The following FRRS1 variants were observed in gnomAD, a reference collection of about 807,000 sequenced individuals.
FRRS1 encodes the protein ferric reductase 1.
FRRS1 carries 51 observed loss-of-function variants against 70.7 expected under a neutral mutation model. That is an observed-to-expected ratio of 0.72 (90% CI 0.58 to 0.91). FRRS1 has a LOEUF of 0.91. FRRS1 is among the 40% of genes least tolerant of loss of function. FRRS1 has a pLI of 0.00. For missense variants in FRRS1, 672 were observed against 726.0 expected (o/e 0.93, Z 0.86); for synonymous variants, 225 against 238.7 (o/e 0.94, Z 0.53).
chr1:99,719,781 T>A (rs1654724233), intron 9 of FRRS1, 134 bp from the exon 10 acceptor site: 2 of 588,390 alleles, frequency 3.4e-6, no homozygotes, highest in Non-Finnish European at 6.0e-6. Flanking sequence ...TCAACAGAGA[T>A]GTCATTCATA....
chr1:99,721,949 T>C (rs964008766), intron 9 of FRRS1, among the ~76,000 whole-genome samples: 5 of 152,080 alleles, frequency 3.3e-5, no homozygotes, highest in South Asian at 2.1e-4. Context: ...CAGACCGTTA[T>C]ATGGGTGAGT....
intron 1 of FRRS1, among the ~76,000 whole-genome samples, chr1:99,757,428 C>G (rs1656892661): frequency 6.6e-6 from 1 of 152,088 alleles, no homozygotes; most frequent in Non-Finnish European, 1.5e-5. Flanking sequence ...AACAAACAGG[C>G]TAAGCAACAG....
Position 99,719,524 on chromosome 1 carries a change from T to G in FRRS1, c.1120+10A>C. On this transcript the variant is annotated intron_variant, in intron 10 of 16. Transcript: ENST00000646001. ...GTTGATTCCACAAAGTAGTTACACA[T>G]GTAACCTACCATGAACCTTCAGAAG... 1 of 1,405,702 alleles carries G rather than the reference T, an allele frequency of 7.1e-7. No individual in the cohort carries two copies. Among genetic ancestry groups the G allele is most frequent in the South Asian group, 1.2e-5 (1 of 86,608 alleles). 87.1% of individuals were successfully genotyped at this position (1,405,702 alleles called of 1,614,324 possible). A position where few individuals can be genotyped will look rare whatever the true frequency, so the allele number is the denominator to read the frequency against.
chr1:99,728,988 C>T (rs929539261), intron 8 of FRRS1, among the ~76,000 whole-genome samples: 6 of 152,156 alleles, frequency 3.9e-5, no homozygotes, highest in Admixed American at 2.6e-4. Flanking sequence ...CAAGTACTAC[C>T]CTAGTGGCCA....
intron 9 of FRRS1, among the ~76,000 whole-genome samples, chr1:99,721,579 T>C (rs1173755499): frequency 6.6e-6 from 1 of 150,850 alleles, no homozygotes; most frequent in Non-Finnish European, 1.5e-5. Flanking sequence ...CCATGGAGAG[T>C]AATAACAATA....
At chr1:99,760,952 T>C (rs1050582603) in intron 1 of FRRS1, among the ~76,000 whole-genome samples, 3 of 151,964 alleles carry the variant, frequency 2.0e-5, no homozygotes, top group African/African-American at 7.3e-5. Context: ...GCCTGGCCAG[T>C]AGGAAAGACT....
At chr1:99,758,827 C>G (rs2788518) in intron 1 of FRRS1, among the ~76,000 whole-genome samples, 74,045 of 151,636 alleles carry the variant, frequency 0.49, 21,776 homozygotes, top group African/African-American at 0.83. Flanking sequence ...TATTAATACC[C>G]TGGGAAAGGA....
At chr1:99,722,914 T>C (rs1439831717) in intron 9 of FRRS1, among the ~76,000 whole-genome samples, 2 of 152,212 alleles carry the variant, frequency 1.3e-5, no homozygotes, top group Admixed American at 1.3e-4. Context: ...GACATTTATC[T>C]AGAAAAATCC....
chr1:99,709,271 A>G lies in FRRS1; in HGVS notation c.1625-12T>C, dbSNP rs1654164995. 5.0e-6 allele frequency: 8 copies of G among 1,590,806 alleles called. No homozygotes were observed. Among genetic ancestry groups the G allele is most frequent in the African/African-American group, 1.3e-5 (1 of 74,362 alleles). ...ATCCAATATTTCAACTGTCAAGAAT[A>G]ATAACATAAGTTTTTAAGGGCAGCG... On this transcript the variant is annotated splice_polypyrimidine_tract_variant and intron_variant, in intron 15 of 16. Coordinates refer to ENST00000646001, the MANE Select transcript of FRRS1 (RefSeq NM_001361041.2).
chr1:99,732,292 T>G (rs1260323885), intron 7 of FRRS1, among the ~76,000 whole-genome samples: 1 of 152,210 alleles, frequency 6.6e-6, no homozygotes, highest in Admixed American at 6.5e-5. Flanking sequence ...ACCAAATCCC[T>G]GGGTTGTACT....
chr1:99,764,337 A>G (rs1439935746), intron 1 of FRRS1, among the ~76,000 whole-genome samples: 2 of 152,208 alleles, frequency 1.3e-5, no homozygotes, highest in Non-Finnish European at 2.9e-5. Context: ...ATGTGTTTTC[A>G]GGATGGGAAG....
chr1:99,717,322 C>T (rs1400577972), intron 11 of FRRS1, 88 bp downstream of exon 11: 32 of 862,258 alleles, frequency 3.7e-5, no homozygotes, highest in Non-Finnish European at 5.7e-5. Context: ...CCACAAAACG[C>T]ATACACATAC....
rs376833120 is a variant in FRRS1, at chr1:99,748,783, T to C, written c.1-15A>G. 9 of 1,599,024 alleles carry C rather than the reference T, an allele frequency of 5.6e-6. No homozygotes were observed. The highest frequency in any genetic ancestry group is 7.7e-6 in the Non-Finnish European group (9 of 1,168,566). On this transcript the variant is annotated splice_polypyrimidine_tract_variant and intron_variant, in intron 2 of 16. Coordinates refer to ENST00000646001, the MANE Select transcript of FRRS1 (RefSeq NM_001361041.2). Reference sequence around the variant, plus strand: ...GAAACTGCCATCTCAAAAAGAAGGGTAAAAGCCCATTATTGTCATATATAA... The same window carrying C: ...GAAACTGCCATCTCAAAAAGAAGGGCAAAAGCCCATTATTGTCATATATAA...
chr1:99,731,503 T>C (rs12118621), intron 7 of FRRS1, among the ~76,000 whole-genome samples: 22,006 of 152,230 alleles, frequency 0.14, 2,442 homozygotes, highest in African/African-American at 0.3. Flanking sequence ...GGAGCAATCA[T>C]GACTTAAACC....
chr1:99,727,831 T>G (rs888072971), intron 9 of FRRS1, among the ~76,000 whole-genome samples: 4 of 152,240 alleles, frequency 2.6e-5, no homozygotes, highest in African/African-American at 9.6e-5. Flanking sequence ...TTCCTATTAA[T>G]ATGTGTTGCA....
At chr1:99,743,576 A>G (rs764852554) in intron 4 of FRRS1, among the ~76,000 whole-genome samples, 2 of 152,226 alleles carry the variant, frequency 1.3e-5, no homozygotes, top group Non-Finnish European at 2.9e-5. Flanking sequence ...AAAATTTATC[A>G]AAACATACAT....
intron 11 of FRRS1, among the ~76,000 whole-genome samples, chr1:99,716,223 G>C (rs1202393907): frequency 6.6e-6 from 1 of 152,222 alleles, no homozygotes; most frequent in Non-Finnish European, 1.5e-5. Flanking sequence ...AAACTATCTT[G>C]GGGAAAGTAG....
Position 99,752,637 on chromosome 1 carries a change from G to A in FRRS1, c.-105-3636C>T, listed in dbSNP as rs371675523. 1.2e-4 allele frequency among the ~76,000 whole-genome samples: 19 copies of A among 152,304 alleles called. 1 individual carries two copies. The highest frequency in any genetic ancestry group is 2.6e-4 in the Admixed American group (4 of 15,302). On this transcript the variant is annotated intron_variant, in intron 1 of 16. Coordinates refer to ENST00000646001, the MANE Select transcript of FRRS1 (RefSeq NM_001361041.2). ...GAAACTTGCAAAAGTGTGGCCAAGCGTGGTGGCTCACACCTGTAATCCCCG... is the reference window on the plus strand; with the variant it reads ...GAAACTTGCAAAAGTGTGGCCAAGCATGGTGGCTCACACCTGTAATCCCCG...
Position 99,710,920 on chromosome 1 carries a change from G to C in FRRS1, c.1510C>G (p.Pro504Ala), listed in dbSNP as rs141107528. The stretch of plus-strand genomic sequence containing the variant: ...CATGAATCAGGAAGATTCAGTCCTG[G>C]TAAATCCATTCCCAGGAACATCGCT... Reference protein sequence around the residue: ...VAAMFLGMDLPGLNLPDSWKT... With the variant: ...VAAMFLGMDLAGLNLPDSWKT... Residue 504 changes from proline (P) to alanine (A), a missense_variant, in exon 15 of 17, where the codon CCA (proline) becomes GCA (alanine). Coordinates refer to ENST00000646001, the MANE Select transcript of FRRS1 (RefSeq NM_001361041.2). 5 of 1,613,562 alleles carry C rather than the reference G, an allele frequency of 3.1e-6. No homozygotes were observed. Among genetic ancestry groups the C allele is most frequent in the Middle Eastern group, 1.6e-4 (1 of 6,084 alleles).
Sources: allele counts gnomAD v4.1 joint callset (sites outside exome capture counted in the v4.1 genomes callset), GRCh38; gene constraint gnomAD v4.1.1; transcripts MANE v1.5; gene names NCBI Gene and HGNC (gene_info 2026-07-23, HGNC 2026-07-21).